KCNH5: variants seen among roughly 807,000 people sequenced by gnomAD.
The protein encoded by KCNH5 is potassium voltage-gated channel subfamily H member 5, also known as voltage-gated delayed rectifier potassium channel KCNH5.
In KCNH5, 46 loss-of-function variants were observed where a neutral mutation model predicts 96.1. The observed-to-expected ratio is 0.48, with a 90% confidence interval of 0.38 to 0.61. KCNH5 has a LOEUF of 0.61. KCNH5 is among the 20% of genes least tolerant of loss of function. The pLI is 0.00. For missense variants in KCNH5, 907 were observed against 1,225.8 expected, an observed-to-expected ratio of 0.74 and a Z score of 3.88; for synonymous variants, 439 against 449.8, an observed-to-expected ratio of 0.98 and a Z score of 0.30.
At chr14:62,802,209 A>T (rs1322559929) in intron 9 of KCNH5, 120 bp downstream of exon 9, 8 of 918,098 alleles carry the variant, frequency 8.7e-6, no homozygotes, top group Non-Finnish European at 1.2e-5. Context: ...TTCACGTCTC[A>T]TTAGTGACCC....
At chr14:62,830,745 G>C (rs998386501) in intron 8 of KCNH5, among the ~76,000 whole-genome samples, 2 of 152,136 alleles carry the variant, frequency 1.3e-5, no homozygotes, top group South Asian at 4.1e-4. Context: ...ATCAATTGGT[G>C]ATCCTCTGTG....
chr14:62,993,310 T>C, intron 4 of KCNH5, among the ~76,000 whole-genome samples: 1 of 152,078 alleles, frequency 6.6e-6, no homozygotes, highest in East Asian at 1.9e-4. Flanking sequence ...TTTTTTTAGT[T>C]CCATATGAAT....
intron 4 of KCNH5, among the ~76,000 whole-genome samples, chr14:62,991,915 G>A (rs1012544024): frequency 9.2e-5 from 14 of 151,878 alleles, no homozygotes; most frequent in Non-Finnish European, 1.9e-4. Context: ...GGCTTTTAGG[G>A]TAACTGTGAC....
chr14:62,762,228 G>A (rs1370644891), intron 10 of KCNH5, among the ~76,000 whole-genome samples: 1 of 152,110 alleles, frequency 6.6e-6, no homozygotes, highest in African/African-American at 2.4e-5. Context: ...GGTCTTTGCT[G>A]ACTGTCACAC....
Position 62,801,625 on chromosome 14 carries a change from CAACT to C in KCNH5, c.1822+700_1822+703del, listed in dbSNP as rs536675911. Among the ~76,000 whole-genome samples, 12 of 148,424 alleles carry C rather than the reference CAACT, an allele frequency of 8.1e-5. No homozygotes were observed. In the South Asian group the frequency reaches 2.3e-3, roughly 29 times the overall value. On this transcript the variant is annotated intron_variant, in intron 9 of 10. Transcript: ENST00000322893. Reference sequence around the variant, plus strand: ...TTTATTGTTGTGGTTGTGGTTAGTACAACTATCTACTGAATTCTAAATTCTAAAA... The same window carrying C: ...TTTATTGTTGTGGTTGTGGTTAGTACATCTACTGAATTCTAAATTCTAAAA...
chr14:62,723,637 AGTGTGGGGT>A, intron 10 of KCNH5, among the ~76,000 whole-genome samples: 1 of 152,164 alleles, frequency 6.6e-6, no homozygotes, highest in Non-Finnish European at 1.5e-5. Flanking sequence ...CTGGATGAAA[AGTGTGGGGT>A]GAAAGTTTTT....
intron 7 of KCNH5, among the ~76,000 whole-genome samples, chr14:62,865,210 G>A (rs1419661645): frequency 6.6e-6 from 1 of 151,982 alleles, no homozygotes; most frequent in African/African-American, 2.4e-5. Flanking sequence ...TTCTTTACAA[G>A]GCTTGTTGGG....
intron 7 of KCNH5, among the ~76,000 whole-genome samples, chr14:62,944,512 C>T (rs1889849002): frequency 6.6e-6 from 1 of 152,186 alleles, no homozygotes; most frequent in South Asian, 2.1e-4. Context: ...CACACACACA[C>T]CGCTAAATCC....
intron 6 of KCNH5, among the ~76,000 whole-genome samples, chr14:62,968,403 T>C (rs1890343093): frequency 6.6e-6 from 1 of 152,234 alleles, no homozygotes; most frequent in Non-Finnish European, 1.5e-5. Context: ...CACAATACTT[T>C]GCACTCCCAG....
intron 8 of KCNH5, among the ~76,000 whole-genome samples, chr14:62,821,902 G>A (rs1887121223): frequency 6.6e-6 from 1 of 152,046 alleles, no homozygotes; most frequent in African/African-American, 2.4e-5. Flanking sequence ...TGTTCCTGGA[G>A]GTGAATGTAC....
chr14:63,019,319 C>A (rs1018973759), intron 1 of KCNH5, among the ~76,000 whole-genome samples: 8 of 151,932 alleles, frequency 5.3e-5, no homozygotes, highest in Non-Finnish European at 4.4e-5. Context: ...AAAATGACAA[C>A]AGGCTTTTTT....
chr14:62,729,661 C>T (rs1174085236), intron 10 of KCNH5, among the ~76,000 whole-genome samples: 3 of 152,082 alleles, frequency 2.0e-5, no homozygotes, highest in African/African-American at 7.2e-5. Flanking sequence ...GACTAAGATC[C>T]CCAAACTATT....
At chr14:62,748,008 T>A (rs1349384204) in intron 10 of KCNH5, among the ~76,000 whole-genome samples, 1 of 152,200 alleles carries the variant, frequency 6.6e-6, no homozygotes, top group African/African-American at 2.4e-5. Flanking sequence ...CACTAAACGT[T>A]ATACTTAGCT....
chr14:62,990,056 T>C (rs962015866), intron 4 of KCNH5, among the ~76,000 whole-genome samples: 4 of 151,846 alleles, frequency 2.6e-5, no homozygotes, highest in Admixed American at 1.3e-4. Context: ...CAGCCCTTGG[T>C]ATAACTCATT....
chr14:62,746,598 G>A (rs897013035), intron 10 of KCNH5, among the ~76,000 whole-genome samples: 7 of 152,128 alleles, frequency 4.6e-5, no homozygotes, highest in Admixed American at 6.5e-5. Context: ...CTCTGTTTTC[G>A]GCTGGTGACT....
chr14:62,910,400 T>C (rs1443296268), intron 7 of KCNH5, among the ~76,000 whole-genome samples: 2 of 152,024 alleles, frequency 1.3e-5, no homozygotes, highest in African/African-American at 4.8e-5. Flanking sequence ...AAAAAAATAT[T>C]AATAAAACAG....
chr14:62,888,016 CAT>C (rs576034562), intron 7 of KCNH5, among the ~76,000 whole-genome samples: 44 of 152,308 alleles, frequency 2.9e-4, no homozygotes, highest in African/African-American at 1.0e-3. Flanking sequence ...AATTCTAACA[CAT>C]GTGTTTCTAA....
At chr14:62,872,180 C>T (rs773517103) in intron 7 of KCNH5, among the ~76,000 whole-genome samples, 10 of 152,118 alleles carry the variant, frequency 6.6e-5, no homozygotes, top group Non-Finnish European at 1.2e-4. Context: ...GTTTCTACTA[C>T]GTGTCAGATG....
intron 9 of KCNH5, among the ~76,000 whole-genome samples, chr14:62,795,643 T>A (rs1461715939): frequency 6.6e-6 from 1 of 152,174 alleles, no homozygotes; most frequent in African/African-American, 2.4e-5. Context: ...AAGTAACAGC[T>A]GTACTAGCTA....
Sources: allele counts gnomAD v4.1 joint callset (sites outside exome capture counted in the v4.1 genomes callset), GRCh38; gene constraint gnomAD v4.1.1; transcripts MANE v1.5; gene names NCBI Gene and HGNC (gene_info 2026-07-23, HGNC 2026-07-21).